The following CTSC variants were observed in gnomAD, a reference collection of about 807,000 sequenced individuals.
CTSC encodes cathepsin C.
CTSC carries 37 observed loss-of-function variants against 40.9 expected under a neutral mutation model. That is an observed-to-expected ratio of 0.91 (90% CI 0.70 to 1.19). The LOEUF is 1.19. Among genes scored for constraint, CTSC ranks in the 50% most tolerant of loss-of-function variants. The pLI, the probability that CTSC is intolerant of heterozygous loss-of-function variation, is 0.00. For synonymous variants in CTSC, 232 were observed against 207.4 expected (o/e 1.12, Z -1.02); for missense variants, 594 against 567.3 (o/e 1.05, Z -0.48).
rs73532787 is a variant in CTSC at position 88,312,726 on chromosome 11, T to C, written c.319-172A>G. ...AAAAGAAGACATACAAACTTTTCTG[T>C]GGTTAGCACTGTTGGCCACCAAACA... On this transcript the variant is annotated intron_variant, in intron 2 of 6. Coordinates refer to ENST00000227266, the MANE Select transcript of CTSC (RefSeq NM_001814.6). 7.5e-3 allele frequency among the ~76,000 whole-genome samples: 1,141 copies of C among 152,302 alleles called. 14 individuals carry two copies. Among genetic ancestry groups the C allele is most frequent in the African/African-American group, 0.026 (1,082 of 41,564 alleles).
intron 1 of CTSC, among the ~76,000 whole-genome samples, chr11:88,336,465 G>A (rs1263172036): frequency 6.6e-6 from 1 of 151,290 alleles, no homozygotes; most frequent in Non-Finnish European, 1.5e-5. Context: ...CTTAAACCCG[G>A]GAGGCGGAGG....
At chr11:88,319,907 A>G (rs1247952905) in intron 2 of CTSC, among the ~76,000 whole-genome samples, 2 of 152,224 alleles carry the variant, frequency 1.3e-5, no homozygotes, top group Non-Finnish European at 2.9e-5. Flanking sequence ...AACATTAAAA[A>G]ACAAAAAATG....
chr11:88,298,776 A>C (rs1308078575), intron 5 of CTSC: 2 of 152,188 alleles, frequency 1.3e-5, no homozygotes, highest in African/African-American at 4.8e-5. Flanking sequence ...TATAACAGTC[A>C]AAGAATAAAG....
At chr11:88,316,448 C>T (rs1378620119) in intron 2 of CTSC, among the ~76,000 whole-genome samples, 2 of 147,450 alleles carry the variant, frequency 1.4e-5, no homozygotes, top group Non-Finnish European at 3.0e-5. Flanking sequence ...TGAACTCCGG[C>T]CTGGATGACA....
chr11:88,309,814 GCACACACA>G lies in CTSC; in HGVS notation c.486-504_486-497del, dbSNP rs71470765. Among the ~76,000 whole-genome samples, 905 of 118,904 alleles carry G rather than the reference GCACACACA, an allele frequency of 7.6e-3. 2 individuals are homozygous for G. The highest frequency in any genetic ancestry group is 0.028 in the African/African-American group (764 of 26,956). 78.0% of individuals were successfully genotyped at this position (118,904 alleles called of 152,430 possible). On this transcript the variant is annotated intron_variant, in intron 3 of 6. Coordinates refer to ENST00000227266, the MANE Select transcript of CTSC (RefSeq NM_001814.6). The stretch of plus-strand genomic sequence containing the variant: ...AATACATACATATATATGTATGCGC[GCACACACA>G]CACACACACACACACACACACACAC...
At chr11:88,330,001 T>A (rs897647492) in intron 2 of CTSC, among the ~76,000 whole-genome samples, 2 of 152,192 alleles carry the variant, frequency 1.3e-5, no homozygotes, top group Admixed American at 1.3e-4. Flanking sequence ...CTGCATTGTG[T>A]TTTTATATAG....
chr11:88,324,903 T>C (rs773471373), intron 2 of CTSC: 8 of 985,300 alleles, frequency 8.1e-6, no homozygotes, highest in Non-Finnish European at 9.6e-6. Context: ...AAATACTTCT[T>C]CTCAGAATAG....
chr11:88,296,171 C>T lies in CTSC; in HGVS notation c.851G>A (p.Ser284Asn), dbSNP rs1402818885. 1 of 1,614,000 alleles carries T rather than the reference C, an allele frequency of 6.2e-7. No individual in the cohort carries two copies. The highest frequency in any genetic ancestry group is 1.1e-5 in the South Asian group (1 of 91,082). ...LTNNSQTPIL[S>N]PQEVVSCSQY... Reference sequence around the variant, plus strand: ...GCTACAAGACACAACCTCCTGAGGGCTTAGGATTGGGGTCTGAGAATTGTT... The same window carrying T: ...GCTACAAGACACAACCTCCTGAGGGTTTAGGATTGGGGTCTGAGAATTGTT... The change falls in exon 6 of 7, where the codon AGC becomes AAC. Residue 284 changes from serine to asparagine, a missense_variant. Coordinates refer to ENST00000227266, the MANE Select transcript of CTSC (RefSeq NM_001814.6).
chr11:88,337,359 C>T, intron 1 of CTSC, 142 bp downstream of exon 1: 1 of 852,880 alleles, frequency 1.2e-6, no homozygotes, highest in Non-Finnish European at 1.9e-6. Context: ...GAAGAAGGTC[C>T]CCAAGGGTCC....
chr11:88,328,112 C>A, intron 2 of CTSC: 2 of 1,608,842 alleles, frequency 1.2e-6, no homozygotes, highest in South Asian at 2.2e-5. Context: ...TGGAGCTCAC[C>A]CAGTTTGTTC....
At chr11:88,333,556 G>A (rs1423689709) in intron 2 of CTSC, among the ~76,000 whole-genome samples, 9 of 152,206 alleles carry the variant, frequency 5.9e-5, no homozygotes, top group Non-Finnish European at 1.2e-4. Context: ...AACCTTTGAA[G>A]GGCTGTGACA....
Position 88,294,354 on chromosome 11 carries a change from T to C in CTSC, c.1044A>G (p.Val348=), listed in dbSNP as rs771667842. ...CATTGCAGCCTCCATAGAAACCTCCTACATAGTGGTACTCAGAGGAGTAAT... is the reference window on the plus strand; with the variant it reads ...CATTGCAGCCTCCATAGAAACCTCCCACATAGTGGTACTCAGAGGAGTAAT... The part of the protein sequence containing the change: ...FRYYSSEYHY[V]GGFYGGCNEA... Residue 348 remains valine (V), a synonymous_variant, in exon 7 of 7, where the codon GTA becomes GTG. Coordinates refer to ENST00000227266, the MANE Select transcript of CTSC (RefSeq NM_001814.6). 1 of 1,614,134 alleles carries C rather than the reference T, an allele frequency of 6.2e-7. No individual in the cohort carries two copies. The highest frequency in any genetic ancestry group is 1.7e-5 in the Admixed American group (1 of 60,008).
intron 4 of CTSC, among the ~76,000 whole-genome samples, chr11:88,302,149 T>G (rs1478462575): frequency 6.6e-6 from 1 of 152,228 alleles, no homozygotes; most frequent in Non-Finnish European, 1.5e-5. Flanking sequence ...TTTGAATTTC[T>G]TATTCAACTG....
At chr11:88,309,128 T>C (rs1937694744) in intron 4 of CTSC, 35 bp downstream of exon 4, 1 of 1,597,624 alleles carries the variant, frequency 6.3e-7, no homozygotes, top group South Asian at 1.1e-5. Context: ...TCAGCATTCA[T>C]ATTTTTATTA....
intron 6 of CTSC, 108 bp from the exon 7 acceptor site, chr11:88,294,616 T>C: frequency 8.0e-7 from 1 of 1,256,560 alleles, no homozygotes; most frequent in Non-Finnish European, 1.1e-6. Flanking sequence ...CCCTGAAAGT[T>C]GTTCTTAGCT....
chr11:88,310,623 A>C (rs1937733476), intron 3 of CTSC, among the ~76,000 whole-genome samples: 1 of 152,186 alleles, frequency 6.6e-6, no homozygotes, highest in Non-Finnish European at 1.5e-5. Flanking sequence ...AAAACGTGCA[A>C]CCAGGTTGAT....
In CTSC at chr11:88,335,088, G is replaced by C. The variant is rs201763299; in HGVS notation, c.173-6C>G. 17 of 1,227,512 alleles carry C rather than the reference G, an allele frequency of 1.4e-5. No individual in the cohort carries two copies. The highest frequency in any genetic ancestry group is 1.9e-5 in the Non-Finnish European group (17 of 883,112). 76.0% of individuals were successfully genotyped at this position (1,227,512 alleles called of 1,614,324 possible). On this transcript the variant is annotated splice_region_variant and splice_polypyrimidine_tract_variant and intron_variant, in intron 1 of 6. Coordinates refer to ENST00000227266, the MANE Select transcript of CTSC (RefSeq NM_001814.6). ...TACTTTTTTTTCTTGTGGTCCTAAA[G>C]AAAAAAAAAAAAAGCACAATAAAGG...
At chr11:88,322,736 G>C (rs1192769786) in intron 2 of CTSC, 1 of 152,146 alleles carries the variant, frequency 6.6e-6, no homozygotes, top group Non-Finnish European at 1.5e-5. Context: ...TTGGATCCCT[G>C]AATAGATCAA....
intron 2 of CTSC, chr11:88,321,734 A>T (rs1938019180): frequency 6.6e-6 from 1 of 152,218 alleles, no homozygotes; most frequent in South Asian, 2.1e-4. Context: ...ATAGTGCTGT[A>T]ATAAACATAC....
Sources: gnomAD v4.1 joint callset for allele counts (sites outside exome capture counted in the v4.1 genomes callset) on GRCh38, gnomAD v4.1.1 for gene constraint, MANE v1.5 for transcripts, NCBI Gene and HGNC (gene_info 2026-07-23, HGNC 2026-07-21) for gene names.